The following JAKMIP2 variants were observed in gnomAD, a reference collection of about 807,000 sequenced individuals.
JAKMIP2 encodes janus kinase and microtubule interacting protein 2.
Under a neutral mutation model 115.0 loss-of-function variants are expected in JAKMIP2, and 25 were observed. The ratio of observed to expected loss-of-function variants is 0.22; its 90% CI spans 0.16 to 0.30. The LOEUF is 0.30. Among genes scored for constraint, JAKMIP2 ranks in the 10% least tolerant of loss-of-function variants. The pLI is 1.00. For missense variants in JAKMIP2, 642 were observed against 957.6 expected (o/e 0.67, Z 4.35); for synonymous variants, 334 against 343.6 (o/e 0.97, Z 0.31).
chr5:147,698,647 C>T (rs192319148), intron 1 of JAKMIP2, among the ~76,000 whole-genome samples: 280 of 152,186 alleles, frequency 1.8e-3, no homozygotes, highest in African/African-American at 6.5e-3. Flanking sequence ...ATTAGGGCTT[C>T]CCCCTTCACT....
intron 21 of JAKMIP2, among the ~76,000 whole-genome samples, chr5:147,598,958 A>G (rs1755551161): frequency 6.6e-6 from 1 of 152,308 alleles, no homozygotes; most frequent in Admixed American, 6.5e-5. Flanking sequence ...AGCATTGATC[A>G]GTTTTCAGTG....
intron 1 of JAKMIP2, among the ~76,000 whole-genome samples, chr5:147,684,128 G>T (rs1197999268): frequency 6.6e-6 from 1 of 152,122 alleles, no homozygotes; most frequent in African/African-American, 2.4e-5. Context: ...TTGACTAATG[G>T]AAGGTAGTCA....
At chr5:147,658,001 T>A (rs1329408509) in intron 3 of JAKMIP2, among the ~76,000 whole-genome samples, 1 of 152,144 alleles carries the variant, frequency 6.6e-6, no homozygotes. Flanking sequence ...TGAAGCCTAC[T>A]TCTGTCAACT....
chr5:147,642,495 T>C (rs1264496650), intron 7 of JAKMIP2, among the ~76,000 whole-genome samples: 1 of 152,146 alleles, frequency 6.6e-6, no homozygotes, highest in Non-Finnish European at 1.5e-5. Context: ...TGTGCCTAAA[T>C]AGCCCAAAAT....
Position 147,742,155 on chromosome 5 carries a change from A to ATATATATATATTTTT in JAKMIP2, c.-149+40300_-149+40301insAAAAATATATATATA. Among the ~76,000 whole-genome samples, 23 of 108,872 alleles carry ATATATATATATTTTT rather than the reference A, an allele frequency of 2.1e-4. 1 individual carries two copies. Among genetic ancestry groups the ATATATATATATTTTT allele is most frequent in the African/African-American group, 4.2e-4 (11 of 26,392 alleles). The allele number at this position is 108,872 out of a possible 152,430, so 71.4% of individuals were successfully genotyped here. ...TGTGGATCATTATATATATATATAT[A>ATATATATATATTTTT]TTTTTTTTACTATTGTATTGTATCT... On this transcript the variant is annotated intron_variant, in intron 1 of 21. Transcript: ENST00000616793.
chr5:147,657,148 C>T (rs757238593), intron 3 of JAKMIP2, among the ~76,000 whole-genome samples: 4 of 152,030 alleles, frequency 2.6e-5, no homozygotes, highest in Non-Finnish European at 4.4e-5. Context: ...GGCATGGTGG[C>T]GGGCGCCTGT....
At chr5:147,753,426 T>C (rs772445638) in intron 1 of JAKMIP2, among the ~76,000 whole-genome samples, 10 of 152,140 alleles carry the variant, frequency 6.6e-5, no homozygotes, top group African/African-American at 9.7e-5. Context: ...GAAATATGAA[T>C]GTGTGAAGGG....
chr5:147,678,901 T>C (rs753217491), intron 1 of JAKMIP2, among the ~76,000 whole-genome samples: 5 of 152,160 alleles, frequency 3.3e-5, no homozygotes, highest in Admixed American at 6.6e-5. Flanking sequence ...CCTGGTTGTA[T>C]ACTCTGTGCA....
At chr5:147,670,576 G>A (rs72835140) in intron 2 of JAKMIP2, among the ~76,000 whole-genome samples, 11,187 of 152,152 alleles carry the variant, frequency 0.074, 587 homozygotes, top group African/African-American at 0.14. Context: ...AGACTTCTAA[G>A]TCTAGTTAGC....
intron 21 of JAKMIP2, 92 bp downstream of exon 21, chr5:147,601,632 CAAAACAAAACAAAACAA>C: frequency 1.3e-5 from 8 of 614,864 alleles, no homozygotes; most frequent in Non-Finnish European, 2.6e-6. Flanking sequence ...CAAAACAAAA[CAAAACAAAACAAAACAA>C]AAAACTAAAG....
rs1752082547 is a variant in JAKMIP2 at position 147,695,766 on chromosome 5, T to A, written c.-148-23812A>T. Reference sequence around the variant, plus strand: ...CTTTTCCCCCTCATTTATACTAATTTTTAGGTACTGATTGATAGAAATTGA... The same window carrying A: ...CTTTTCCCCCTCATTTATACTAATTATTAGGTACTGATTGATAGAAATTGA... On this transcript the variant is annotated intron_variant, in intron 1 of 21. Transcript: ENST00000616793. Among the ~76,000 whole-genome samples the A allele has an allele frequency of 2.0e-5, 3 of 151,690 alleles. No homozygotes were observed. In the South Asian group the frequency reaches 6.2e-4, roughly 32 times the overall value.
At chr5:147,679,633 G>A (rs975923174) in intron 1 of JAKMIP2, among the ~76,000 whole-genome samples, 4 of 152,188 alleles carry the variant, frequency 2.6e-5, no homozygotes, top group African/African-American at 9.7e-5. Flanking sequence ...CCAGGCAATG[G>A]CATTAACTCA....
chr5:147,613,869 G>C (rs10070469), intron 19 of JAKMIP2, among the ~76,000 whole-genome samples: 142,918 of 152,228 alleles, frequency 0.94, 67,611 homozygotes, highest in Non-Finnish European at 1. Context: ...GGTTAACCTT[G>C]AAATTATACC....
chr5:147,661,540 T>G (rs1170702598), intron 2 of JAKMIP2, 95 bp from the exon 3 acceptor site: 12 of 1,279,636 alleles, frequency 9.4e-6, no homozygotes, highest in Non-Finnish European at 1.3e-5. Context: ...CTGTGATCTC[T>G]TAATTCCTCA....
At chr5:147,642,764 T>C (rs1757940816) in intron 7 of JAKMIP2, among the ~76,000 whole-genome samples, 1 of 152,142 alleles carries the variant, frequency 6.6e-6, no homozygotes, top group African/African-American at 2.4e-5. Context: ...TCAATTTGAT[T>C]GGATTGAAGG....
In JAKMIP2 at chr5:147,650,326, G is replaced by A; in HGVS notation, c.837+12C>T. Reference sequence around the variant, plus strand: ...ACTTGTGCATTCTTAACTTCAACTAGAATGGACTTACAGGACTGCTGCAGT... The same window carrying A: ...ACTTGTGCATTCTTAACTTCAACTAAAATGGACTTACAGGACTGCTGCAGT... On this transcript the variant is annotated intron_variant, in intron 4 of 21. Coordinates refer to ENST00000616793, the MANE Select transcript of JAKMIP2 (RefSeq NM_001270941.2). 1 of 1,559,988 alleles carries A rather than the reference G, an allele frequency of 6.4e-7. No homozygotes were observed. Among genetic ancestry groups the A allele is most frequent in the Admixed American group, 1.7e-5 (1 of 59,896 alleles).
intron 1 of JAKMIP2, among the ~76,000 whole-genome samples, chr5:147,747,446 A>G (rs979018795): frequency 1.1e-4 from 17 of 152,314 alleles, no homozygotes; most frequent in Admixed American, 7.8e-4. Flanking sequence ...GATTCAAGCA[A>G]TAACAATTGG....
chr5:147,622,386 A>G (rs1433943515), intron 17 of JAKMIP2, among the ~76,000 whole-genome samples: 1 of 152,240 alleles, frequency 6.6e-6, no homozygotes, highest in African/African-American at 2.4e-5. Flanking sequence ...CAAAACTGAA[A>G]CTATACCCAT....
At chr5:147,630,386 G>C (rs1325424339) in intron 14 of JAKMIP2, among the ~76,000 whole-genome samples, 5 of 152,080 alleles carry the variant, frequency 3.3e-5, no homozygotes, top group African/African-American at 1.2e-4. Context: ...TGCATCGAAG[G>C]AAAAGGCAAA....
Sources: allele counts gnomAD v4.1 joint callset (sites outside exome capture counted in the v4.1 genomes callset), GRCh38; gene constraint gnomAD v4.1.1; transcripts MANE v1.5; gene names NCBI Gene and HGNC (gene_info 2026-07-23, HGNC 2026-07-21).